PGM5: variants seen among roughly 807,000 people sequenced by gnomAD.
The protein encoded by PGM5 is phosphoglucomutase-like protein 5.
A neutral mutation model predicts 59.2 loss-of-function variants in PGM5; 23 were observed. The observed-to-expected ratio is 0.39, with a 90% CI of 0.28 to 0.55. The LOEUF is 0.55. Ranked by LOEUF, PGM5 falls within the 20% of genes least tolerant of loss-of-function variation. The pLI, the probability that PGM5 is intolerant of heterozygous loss-of-function variation, is 0.66. For synonymous variants in PGM5, 214 were observed against 286.0 expected, an observed-to-expected ratio of 0.75 and a Z score of 2.54; for missense variants, 574 against 748.3, an observed-to-expected ratio of 0.77 and a Z score of 2.72.
chr9:68,396,706 G>A (rs1305713302), intron 6 of PGM5: 2 of 151,634 alleles, frequency 1.3e-5, no homozygotes, highest in African/African-American at 2.4e-5. Context: ...GTCCCAGGTG[G>A]ATTCTCATGA....
chr9:68,396,283 A>C (rs1587790938), intron 6 of PGM5: 1 of 152,344 alleles, frequency 6.6e-6, no homozygotes, highest in East Asian at 1.9e-4. Flanking sequence ...AAATTGACTC[A>C]GGATTTGAAA....
intron 9 of PGM5, chr9:68,497,386 G>A (rs981997563): frequency 6.6e-6 from 1 of 152,222 alleles, no homozygotes; most frequent in Non-Finnish European, 1.5e-5. Context: ...CAGTATTACA[G>A]AGTGATTGGT....
intron 9 of PGM5, among the ~76,000 whole-genome samples, chr9:68,486,904 G>T (rs551891374): frequency 6.6e-6 from 1 of 152,086 alleles, no homozygotes; most frequent in Non-Finnish European, 1.5e-5. Context: ...GTATATGAGG[G>T]TTCCAGTTTC....
At chr9:68,419,874 C>T (rs564285840) in intron 6 of PGM5, among the ~76,000 whole-genome samples, 2 of 152,290 alleles carry the variant, frequency 1.3e-5, no homozygotes, top group African/African-American at 4.8e-5. Context: ...CATCTCCATT[C>T]TACAGAGTGT....
chr9:68,435,721 T>C (rs1823432930), intron 6 of PGM5, among the ~76,000 whole-genome samples: 1 of 152,236 alleles, frequency 6.6e-6, no homozygotes. Flanking sequence ...ATAATGCTGC[T>C]TTAAGAATTT....
At chr9:68,398,198 C>T (rs1225766398) in intron 6 of PGM5, 32 of 152,074 alleles carry the variant, frequency 2.1e-4, no homozygotes, top group African/African-American at 7.7e-4. Context: ...TTTGCTTTAG[C>T]AGATAAATAT....
intron 6 of PGM5, among the ~76,000 whole-genome samples, chr9:68,443,214 A>T (rs1823555842): frequency 6.6e-6 from 1 of 152,254 alleles, no homozygotes. Context: ...ACTGATACAC[A>T]CAACTTGGAT....
Position 68,484,454 on chromosome 9 carries a change from C to A in PGM5, c.1479+406C>A, listed in dbSNP as rs145331860. Among the ~76,000 whole-genome samples the A allele has an allele frequency of 1.3e-3, 190 of 151,180 alleles. 1 individual carries two copies. The highest frequency in any genetic ancestry group is 4.5e-3 in the African/African-American group (184 of 41,152). On this transcript the variant is annotated intron_variant, in intron 9 of 10. Transcript: ENST00000396396. ...ACTTAGGAGGCTAAGGTGGGAGGAT[C>A]GCTTGAGCCCAAGAGGTCAAGTCTG...
chr9:68,455,028 G>A (rs1417599186), intron 6 of PGM5, among the ~76,000 whole-genome samples: 1 of 152,238 alleles, frequency 6.6e-6, no homozygotes. Flanking sequence ...CAGTCTTGAA[G>A]ATGGTTCCTT....
chr9:68,460,683 C>T lies in PGM5; in HGVS notation c.1044-4410C>T, dbSNP rs183220853. Among the ~76,000 whole-genome samples the T allele has an allele frequency of 2.1e-3, 322 of 152,088 alleles. 1 individual carries two copies. Among genetic ancestry groups the T allele is most frequent in the African/African-American group, 7.1e-3 (294 of 41,492 alleles). ...GACCATAAAATAGATTTACTTAGTC[C>T]CCTGCTATTTAACAGCCCTTTTAAC... is the stretch of plus-strand genomic sequence containing the variant. On this transcript the variant is annotated intron_variant, in intron 6 of 10. Coordinates refer to ENST00000396396, the MANE Select transcript of PGM5 (RefSeq NM_021965.4).
intron 9 of PGM5, among the ~76,000 whole-genome samples, chr9:68,486,346 G>T (rs565230860): frequency 2.0e-5 from 3 of 152,122 alleles, no homozygotes; most frequent in African/African-American, 7.2e-5. Flanking sequence ...TATATTTACA[G>T]AATTGTGCAG....
intron 10 of PGM5, among the ~76,000 whole-genome samples, chr9:68,502,436 T>C (rs1824591525): frequency 1.3e-5 from 2 of 152,160 alleles, no homozygotes; most frequent in South Asian, 2.1e-4. Context: ...GTTGACCTTC[T>C]TCCCTTGTCC....
At chr9:68,400,786 T>C (rs1822647178) in intron 6 of PGM5, 1 of 152,526 alleles carries the variant, frequency 6.6e-6, no homozygotes, top group Admixed American at 6.6e-5. Context: ...GTACTGACGC[T>C]CTTAGCAAAT....
chr9:68,452,941 C>G (rs1341430564), intron 6 of PGM5, among the ~76,000 whole-genome samples: 1 of 152,226 alleles, frequency 6.6e-6, no homozygotes, highest in Admixed American at 6.5e-5. Context: ...AGTCCTTCTT[C>G]TCCCTTGCTC....
chr9:68,409,874 A>T lies in PGM5; in HGVS notation c.1043+17401A>T, dbSNP rs1464377308. Among the ~76,000 whole-genome samples, 14 of 30,422 alleles carry T rather than the reference A, an allele frequency of 4.6e-4. No homozygotes were observed. In the South Asian group the frequency reaches 0.028, roughly 61 times the overall value. 20.0% of individuals were successfully genotyped at this position (30,422 alleles called of 152,430 possible). A position where few individuals can be genotyped will look rare whatever the true frequency, so the allele number is the denominator to read the frequency against. ...TATGTACCCTAAAACTTAAAGTATAAAAAAAAAAAAAAAAGAACAAAGCAA... is the reference window on the plus strand; with the variant it reads ...TATGTACCCTAAAACTTAAAGTATATAAAAAAAAAAAAAAGAACAAAGCAA... On this transcript the variant is annotated intron_variant, in intron 6 of 10. Coordinates refer to ENST00000396396, the MANE Select transcript of PGM5 (RefSeq NM_021965.4).
chr9:68,486,474 C>A (rs890892736), intron 9 of PGM5, among the ~76,000 whole-genome samples: 1 of 152,208 alleles, frequency 6.6e-6, no homozygotes, highest in Non-Finnish European at 1.5e-5. Context: ...AACCCCTGAT[C>A]TTTCTGTCTC....
intron 6 of PGM5, among the ~76,000 whole-genome samples, chr9:68,410,155 A>T (rs2480126): frequency 6.6e-6 from 1 of 152,352 alleles, no homozygotes; most frequent in East Asian, 1.9e-4. Flanking sequence ...AGGATGAAGA[A>T]GAAGGGCAAA....
intron 6 of PGM5, among the ~76,000 whole-genome samples, chr9:68,421,372 T>C (rs1823126670): frequency 6.6e-6 from 1 of 152,134 alleles, no homozygotes; most frequent in Non-Finnish European, 1.5e-5. Context: ...GTGTCTGAGC[T>C]CTTCCATCTT....
intron 6 of PGM5, chr9:68,427,010 AG>A (rs1823250299): frequency 6.6e-6 from 1 of 152,240 alleles, no homozygotes; most frequent in East Asian, 1.9e-4. Context: ...AATACATGAT[AG>A]GCTCCTTATG....
Sources: allele counts gnomAD v4.1 joint callset (sites outside exome capture counted in the v4.1 genomes callset), GRCh38; gene constraint gnomAD v4.1.1; transcripts MANE v1.5; gene names NCBI Gene and HGNC (gene_info 2026-07-23, HGNC 2026-07-21).